ELMO1: variants seen among roughly 807,000 people sequenced by gnomAD.
ELMO1 encodes the protein engulfment and cell motility 1, also known as engulfment and cell motility protein 1.
Under a neutral mutation model 98.9 loss-of-function variants are expected in ELMO1, and 26 were observed. The ratio of observed to expected loss-of-function variants is 0.26; its 90% CI spans 0.19 to 0.36. The LOEUF is 0.36. Among genes scored for constraint, ELMO1 ranks in the 10% least tolerant of loss-of-function variants. ELMO1 has a pLI of 1.00. For missense variants in ELMO1, 627 were observed against 935.2 expected (o/e 0.67, Z 4.30); for synonymous variants, 346 against 346.0 (o/e 1.00, Z 0.00).
At chr7:37,178,033 A>G (rs1022103932) in intron 13 of ELMO1, among the ~76,000 whole-genome samples, 1 of 151,848 alleles carries the variant, frequency 6.6e-6, no homozygotes, top group Non-Finnish European at 1.5e-5. Context: ...GGGCCAAGGA[A>G]CACCCAGATA....
chr7:36,866,961 CT>C (rs1322083244), intron 20 of ELMO1, among the ~76,000 whole-genome samples: 1 of 152,068 alleles, frequency 6.6e-6, no homozygotes, highest in Non-Finnish European at 1.5e-5. Flanking sequence ...TGATGTTTTG[CT>C]TGATGACATG....
chr7:37,410,235 G>A (rs1314623482), intron 1 of ELMO1, among the ~76,000 whole-genome samples: 2 of 152,158 alleles, frequency 1.3e-5, no homozygotes, highest in Non-Finnish European at 2.9e-5. Context: ...TTGCAGTTTG[G>A]TGACTGACAC....
At chr7:37,146,675 C>T (rs1401004230) in intron 13 of ELMO1, among the ~76,000 whole-genome samples, 1 of 152,084 alleles carries the variant, frequency 6.6e-6, no homozygotes, top group Non-Finnish European at 1.5e-5. Flanking sequence ...GCTGTTGGTC[C>T]CTCTCCATAT....
chr7:37,249,009 C>T (rs1480093171), intron 6 of ELMO1, among the ~76,000 whole-genome samples: 1 of 152,242 alleles, frequency 6.6e-6, no homozygotes, highest in East Asian at 1.9e-4. Flanking sequence ...TTACGTCTCA[C>T]ATGCCTAACC....
rs114667931 is a variant in ELMO1 at position 37,249,806 on chromosome 7, C to T, written c.414-5415G>A. The stretch of plus-strand genomic sequence containing the variant: ...TTAAAAATATTCAGAAAGCCAGGCC[C>T]GGTAGCTCACACCTATAATCCCAGC... On this transcript the variant is annotated intron_variant, in intron 6 of 21. Coordinates refer to ENST00000310758, the MANE Select transcript of ELMO1 (RefSeq NM_014800.11). Among the ~76,000 whole-genome samples the T allele has an allele frequency of 9.9e-3, 1,500 of 152,254 alleles. 32 individuals carry two copies. Among genetic ancestry groups the T allele is most frequent in the African/African-American group, 0.035 (1,434 of 41,538 alleles).
chr7:36,885,003 C>T (rs1171123957), intron 18 of ELMO1, among the ~76,000 whole-genome samples: 8 of 152,144 alleles, frequency 5.3e-5, no homozygotes, highest in African/African-American at 1.9e-4. Context: ...TTAAAAATGT[C>T]ATGTTCTTAT....
intron 16 of ELMO1, among the ~76,000 whole-genome samples, chr7:36,928,514 G>GT (rs1305039683): frequency 6.6e-6 from 1 of 151,964 alleles, no homozygotes; most frequent in East Asian, 1.9e-4. Context: ...TTACACCATC[G>GT]TTTTTTTTCC....
At chr7:37,145,618 T>G (rs1470950613) in intron 13 of ELMO1, among the ~76,000 whole-genome samples, 1 of 152,256 alleles carries the variant, frequency 6.6e-6, no homozygotes, top group East Asian at 1.9e-4. Context: ...AAATGATACG[T>G]GTTTTTCAAT....
intron 16 of ELMO1, among the ~76,000 whole-genome samples, chr7:36,975,114 T>C (rs1790410362): frequency 6.6e-6 from 1 of 152,202 alleles, no homozygotes. Context: ...CAGCAGTGAT[T>C]TCCCCACTCC....
At chr7:37,250,113 G>A (rs1041677835) in intron 6 of ELMO1, among the ~76,000 whole-genome samples, 1 of 152,000 alleles carries the variant, frequency 6.6e-6, no homozygotes, top group Non-Finnish European at 1.5e-5. Context: ...TAAAAGTTCA[G>A]AGAAAAACCC....
intron 2 of ELMO1, among the ~76,000 whole-genome samples, chr7:37,334,906 G>A (rs6974491): frequency 0.13 from 20,365 of 152,104 alleles, 1,492 homozygotes; most frequent in Non-Finnish European, 0.17. Context: ...TGGGGTAGGC[G>A]TGCTATTATA....
chr7:36,915,139 C>T (rs994013248), intron 16 of ELMO1, among the ~76,000 whole-genome samples: 1 of 152,072 alleles, frequency 6.6e-6, no homozygotes, highest in African/African-American at 2.4e-5. Context: ...GTTGCCCAGG[C>T]TGGTCTTGAA....
chr7:37,148,335 A>G (rs1390402858), intron 13 of ELMO1, among the ~76,000 whole-genome samples: 2 of 152,252 alleles, frequency 1.3e-5, no homozygotes, highest in Non-Finnish European at 2.9e-5. Flanking sequence ...ACAATGAAAG[A>G]TCATACACCA....
intron 16 of ELMO1, among the ~76,000 whole-genome samples, chr7:36,932,065 G>A (rs1786093767): frequency 6.7e-6 from 1 of 149,692 alleles, no homozygotes; most frequent in Non-Finnish European, 1.5e-5. Flanking sequence ...TCTTTGGAGA[G>A]TTAACTTCAT....
At chr7:37,423,816 C>T (rs566419899) in intron 1 of ELMO1, among the ~76,000 whole-genome samples, 6 of 152,180 alleles carry the variant, frequency 3.9e-5, no homozygotes, top group South Asian at 4.2e-4. Context: ...AGATAGTGTC[C>T]GATTCATTAC....
rs748719843 is a variant in ELMO1 at position 37,342,699 on chromosome 7, C to T, written c.-9G>A. On this transcript the variant is annotated 5_prime_UTR_variant, in exon 2 of 22. Coordinates refer to ENST00000310758, the MANE Select transcript of ELMO1 (RefSeq NM_014800.11). The surrounding 1 kb of genome is among the most constrained non-coding windows in gnomAD (Gnocchi z 4.3). Reference sequence around the variant, plus strand: ...TCCGCGGGTGGCGGCATTGTAAGTCCCCAAAATGTTCAAAGCCAGTGGGAA... The same window carrying T: ...TCCGCGGGTGGCGGCATTGTAAGTCTCCAAAATGTTCAAAGCCAGTGGGAA... The T allele has an allele frequency of 6.2e-7, 1 of 1,607,756 alleles. No individual in the cohort carries two copies. The highest frequency in any genetic ancestry group is 8.5e-7 in the Non-Finnish European group (1 of 1,177,562).
chr7:36,983,463 A>G (rs1193545862), intron 16 of ELMO1, among the ~76,000 whole-genome samples: 3 of 152,160 alleles, frequency 2.0e-5, no homozygotes, highest in East Asian at 1.9e-4. Context: ...CTTCCCCTAT[A>G]TACTCACTCT....
intron 1 of ELMO1, among the ~76,000 whole-genome samples, chr7:37,356,051 G>T (rs576226323): frequency 1.2e-4 from 18 of 152,288 alleles, no homozygotes; most frequent in African/African-American, 4.1e-4. Context: ...TGAGTACTCT[G>T]AACTAAAGAA....
chr7:37,242,993 T>C (rs1323134911), intron 7 of ELMO1, among the ~76,000 whole-genome samples: 2 of 152,228 alleles, frequency 1.3e-5, no homozygotes, highest in African/African-American at 2.4e-5. Context: ...TGCTATCCAG[T>C]GCCTTCATAT....
Sources: allele counts gnomAD v4.1 joint callset (sites outside exome capture counted in the v4.1 genomes callset), GRCh38; gene constraint gnomAD v4.1.1; non-coding constraint Gnocchi (gnomAD v3.1); transcripts MANE v1.5; gene names NCBI Gene and HGNC (gene_info 2026-07-23, HGNC 2026-07-21).